CNTN5: variants seen among roughly 807,000 people sequenced by gnomAD.
CNTN5 encodes contactin 5.
In CNTN5, 77 loss-of-function variants were observed where a neutral mutation model predicts 129.1. The observed-to-expected ratio is 0.60, with a 90% confidence interval of 0.50 to 0.72. CNTN5 has a LOEUF of 0.72. Ranked by LOEUF, CNTN5 falls within the 30% of genes least tolerant of loss-of-function variation. The probability of loss-of-function intolerance (pLI) is 0.00; values close to 1 mark genes in which losing one functional copy is unlikely to be tolerated. For missense variants in CNTN5, 1,478 were observed against 1,328.8 expected (o/e 1.11, Z -1.75); for synonymous variants, 509 against 465.6 (o/e 1.09, Z -1.20).
chr11:99,900,925 T>C (rs1949340339), intron 6 of CNTN5, among the ~76,000 whole-genome samples: 1 of 152,134 alleles, frequency 6.6e-6, no homozygotes, highest in Non-Finnish European at 1.5e-5. Context: ...TGTTACTATA[T>C]CTTTATGGTC....
chr11:99,447,209 T>C (rs1416584018), intron 2 of CNTN5, among the ~76,000 whole-genome samples: 1 of 152,196 alleles, frequency 6.6e-6, no homozygotes, highest in Non-Finnish European at 1.5e-5. Flanking sequence ...AGAGAAGCTA[T>C]GTAGGGATTG....
intron 16 of CNTN5, among the ~76,000 whole-genome samples, chr11:100,234,610 G>A (rs1050681085): frequency 6.6e-6 from 1 of 151,860 alleles, no homozygotes; most frequent in African/African-American, 2.4e-5. Context: ...CATGGACACA[G>A]GGAGGGGAAC....
chr11:99,045,867 G>A (rs1197826160), intron 1 of CNTN5, among the ~76,000 whole-genome samples: 1 of 152,146 alleles, frequency 6.6e-6, no homozygotes, highest in Non-Finnish European at 1.5e-5. Flanking sequence ...TAGGTGAGTA[G>A]GTCTCACCTA....
chr11:99,280,717 C>A (rs991005398), intron 1 of CNTN5, among the ~76,000 whole-genome samples: 1 of 151,748 alleles, frequency 6.6e-6, no homozygotes, highest in Non-Finnish European at 1.5e-5. Flanking sequence ...GCCCCAAAGA[C>A]TTTTCATATA....
chr11:99,040,173 TAATC>T (rs1156497448), intron 1 of CNTN5, among the ~76,000 whole-genome samples: 2 of 152,082 alleles, frequency 1.3e-5, no homozygotes, highest in Admixed American at 6.6e-5. Context: ...AAAAACATGA[TAATC>T]TATGATACAA....
intron 3 of CNTN5, among the ~76,000 whole-genome samples, chr11:99,682,909 T>TA (rs543292996): frequency 6.6e-6 from 1 of 151,940 alleles, no homozygotes; most frequent in Non-Finnish European, 1.5e-5. Context: ...ATCTGTGCAC[T>TA]AAAAAATACA....
At chr11:99,162,987 A>G (rs1424200820) in intron 1 of CNTN5, among the ~76,000 whole-genome samples, 1 of 152,162 alleles carries the variant, frequency 6.6e-6, no homozygotes, top group Non-Finnish European at 1.5e-5. Context: ...TCTTAATTTG[A>G]TATGCGACAC....
chr11:99,793,898 G>A (rs556206706), intron 3 of CNTN5, among the ~76,000 whole-genome samples: 2 of 152,186 alleles, frequency 1.3e-5, no homozygotes, highest in South Asian at 2.1e-4. Flanking sequence ...TATTGTTTTT[G>A]TATGGAGAGT....
At chr11:99,716,602 A>T (rs571270034) in intron 3 of CNTN5, among the ~76,000 whole-genome samples, 1 of 152,148 alleles carries the variant, frequency 6.6e-6, no homozygotes, top group Non-Finnish European at 1.5e-5. Flanking sequence ...TCATCAGTGT[A>T]TTCTCTATCT....
chr11:100,163,917 G>A (rs1361181364), intron 13 of CNTN5, among the ~76,000 whole-genome samples: 1 of 151,704 alleles, frequency 6.6e-6, no homozygotes. Flanking sequence ...ACACACATGA[G>A]TTATTATTAT....
chr11:100,216,962 C>G (rs996085425), intron 15 of CNTN5, among the ~76,000 whole-genome samples: 2 of 152,172 alleles, frequency 1.3e-5, no homozygotes, highest in East Asian at 3.9e-4. Flanking sequence ...TTACTCCTGC[C>G]TCCACACTTA....
At chr11:100,249,317 T>C (rs532530959) in intron 16 of CNTN5, among the ~76,000 whole-genome samples, 1 of 152,320 alleles carries the variant, frequency 6.6e-6, no homozygotes, top group Non-Finnish European at 1.5e-5. Context: ...GTTGATCTGG[T>C]ATCAGTCTGC....
chr11:99,090,177 A>G (rs1029902574), intron 1 of CNTN5, among the ~76,000 whole-genome samples: 21 of 152,226 alleles, frequency 1.4e-4, no homozygotes, highest in African/African-American at 5.1e-4. Context: ...AATTCTGAAT[A>G]TTATGTAAAA....
rs138072491 is a variant in CNTN5, at chr11:99,849,649, T to A, written c.577+4387T>A. The stretch of plus-strand genomic sequence containing the variant: ...TTGCTAAACCAGATAGTAAAAAATA[T>A]TTTTTAAAAATAGGTTTTGAATGTC... On this transcript the variant is annotated intron_variant, in intron 6 of 24. Coordinates refer to ENST00000524871, the MANE Select transcript of CNTN5 (RefSeq NM_014361.4). Among the ~76,000 whole-genome samples the A allele has an allele frequency of 1.4e-3, 207 of 152,248 alleles. 1 individual carries two copies. Among genetic ancestry groups the A allele is most frequent in the East Asian group, 5.6e-3 (29 of 5,182 alleles).
chr11:100,045,130 A>G lies in CNTN5; in HGVS notation c.981-16082A>G, dbSNP rs146179615. Among the ~76,000 whole-genome samples, 276 of 147,572 alleles carry G rather than the reference A, an allele frequency of 1.9e-3. 1 individual carries two copies. The highest frequency in any genetic ancestry group is 6.3e-3 in the African/African-American group (253 of 39,880). On this transcript the variant is annotated intron_variant, in intron 9 of 24. Transcript: ENST00000524871. ...TCTTCCATATTACTTTTTTTTTTCT[A>G]TTCATTCTCGATTCCTTTCTCTAGG...
chr11:100,110,185 T>TAA (rs1294435145), intron 13 of CNTN5, among the ~76,000 whole-genome samples: 26 of 118,492 alleles, frequency 2.2e-4, no homozygotes, highest in East Asian at 7.1e-4. Context: ...AGACCCTATC[T>TAA]AAAAAAAAAA....
At chr11:100,119,883 A>G (rs1273759619) in intron 13 of CNTN5, among the ~76,000 whole-genome samples, 1 of 152,130 alleles carries the variant, frequency 6.6e-6, no homozygotes, top group East Asian at 1.9e-4. Flanking sequence ...GCAAATAAAA[A>G]GAAAAGGAGT....
intron 9 of CNTN5, among the ~76,000 whole-genome samples, chr11:100,016,072 G>A (rs892631381): frequency 3.3e-5 from 5 of 152,020 alleles, no homozygotes; most frequent in African/African-American, 1.2e-4. Flanking sequence ...TGTCTCTGAT[G>A]CTTTTAACAG....
intron 4 of CNTN5, among the ~76,000 whole-genome samples, chr11:99,831,320 A>G (rs761712458): frequency 6.7e-4 from 102 of 152,304 alleles, no homozygotes; most frequent in Non-Finnish European, 1.1e-3. Context: ...AAAGTTGTTG[A>G]GATGCTTAAC....
Sources: allele counts gnomAD v4.1 joint callset (sites outside exome capture counted in the v4.1 genomes callset), GRCh38; gene constraint gnomAD v4.1.1; transcripts MANE v1.5; gene names NCBI Gene and HGNC (gene_info 2026-07-23, HGNC 2026-07-21).